Variants in KMT2A observed in about 807,000 individuals in gnomAD.
The protein encoded by KMT2A is histone-lysine N-methyltransferase 2A.
A neutral mutation model predicts 345.3 loss-of-function variants in KMT2A; 16 were observed. That is an observed-to-expected ratio of 0.05 (90% CI 0.03 to 0.07). The LOEUF (loss-of-function observed/expected upper bound fraction) is 0.07, where lower values mean the gene tolerates loss of function less well. KMT2A is among the 10% of genes least tolerant of loss of function. KMT2A has a pLI of 1.00. For synonymous variants in KMT2A, 1,599 were observed against 1,778.6 expected, an observed-to-expected ratio of 0.90 and a Z score of 2.54; for missense variants, 3,272 against 4,841.6, an observed-to-expected ratio of 0.68 and a Z score of 9.62.
chr11:118,474,617 T>A (rs1950000225), intron 3 of KMT2A, among the ~76,000 whole-genome samples: 1 of 152,200 alleles, frequency 6.6e-6, no homozygotes, highest in African/African-American at 2.4e-5. Context: ...TAAGGCTGAA[T>A]GAACTAAGGT....
At chr11:118,457,295 T>C (rs1306087494) in intron 1 of KMT2A, among the ~76,000 whole-genome samples, 2 of 129,790 alleles carry the variant, frequency 1.5e-5, no homozygotes, top group Non-Finnish European at 3.1e-5. Flanking sequence ...TGAGACAGAG[T>C]CTTGCTCTGT....
chr11:118,475,551 G>A (rs1555037331), intron 3 of KMT2A, among the ~76,000 whole-genome samples: 1 of 152,096 alleles, frequency 6.6e-6, no homozygotes, highest in African/African-American at 2.4e-5. Context: ...GTGAAACCCT[G>A]TCTCTACTAA....
At chr11:118,470,281 C>A (rs2134253309) in intron 2 of KMT2A, among the ~76,000 whole-genome samples, 1 of 152,234 alleles carries the variant, frequency 6.6e-6, no homozygotes, top group East Asian at 1.9e-4. Flanking sequence ...TATTTCCGGG[C>A]AGGAGTTGTT....
intron 5 of KMT2A, among the ~76,000 whole-genome samples, chr11:118,479,560 A>G (rs1950095976): frequency 6.6e-6 from 1 of 152,238 alleles, no homozygotes; most frequent in Admixed American, 6.5e-5. Context: ...CTGACCTTAA[A>G]CAAGAATCTT....
intron 1 of KMT2A, among the ~76,000 whole-genome samples, chr11:118,455,020 T>A (rs1339604187): frequency 1.3e-5 from 2 of 152,050 alleles, no homozygotes; most frequent in Admixed American, 1.3e-4. Context: ...TCAATTCTTA[T>A]TGTCCTAGTG....
Position 118,502,400 on chromosome 11 carries a change from A to G in KMT2A, c.6508A>G (p.Ser2170Gly). ...ATTACTTTTTCTCTCTTGTTTAGGA[A>G]GTCCTACCCCAACCACTCATGAAAT... ...PGCRPLPSAG[S>G]PTPTTHEIVT... Residue 2170 changes from serine to glycine, a missense_variant and splice_region_variant, in exon 27 of 36, where the codon AGT becomes GGT. By Grantham distance (56) the Ser-to-Gly change is moderately conservative. Around this residue, in one of 27 missense-constraint regions of KMT2A, gnomAD observed 14 missense variants for 38.4 expected, o/e 0.36. Coordinates refer to ENST00000534358, the MANE Select transcript of KMT2A (RefSeq NM_001197104.2). The surrounding 1 kb of genome is among the most constrained non-coding windows in gnomAD (Gnocchi z 4.9). 1 of 1,573,282 alleles carries G rather than the reference A, an allele frequency of 6.4e-7. No homozygotes were observed. Among genetic ancestry groups the G allele is most frequent in the Non-Finnish European group, 8.6e-7 (1 of 1,161,328 alleles).
rs1951004264 is a variant in KMT2A, at chr11:118,522,998, G to A, written c.*826G>A. ...GGACACTCCCTGCTGGGCATAGGAT[G>A]TGCCTGCAAAAAGTTCCCTGAGCCT... On this transcript the variant is annotated 3_prime_UTR_variant, in exon 36 of 36. Transcript: ENST00000534358. This position sits in a 1 kb window ranked among gnomAD's most constrained non-coding sequence, Gnocchi z 5.4. 1 of 222,648 alleles carries A rather than the reference G, an allele frequency of 4.5e-6. No homozygotes were observed. Among genetic ancestry groups the A allele is most frequent in the Admixed American group, 5.8e-5 (1 of 17,382 alleles). 13.8% of individuals were successfully genotyped at this position (222,648 alleles called of 1,614,324 possible). A position where few individuals can be genotyped will look rare whatever the true frequency, so the allele number is the denominator to read the frequency against.
Position 118,493,136 on chromosome 11 carries a change from C to A in KMT2A, c.5084C>A (p.Pro1695Gln). The A allele has an allele frequency of 6.2e-7, 1 of 1,614,056 alleles. No homozygotes were observed. Reference protein sequence around the residue: ...SRSSPEGPDPPVLTEVSKQDD... With the variant: ...SRSSPEGPDPQVLTEVSKQDD... ...AGCTCCCCCGAAGGACCTGATCCAC[C>A]AGTTCTTACTGAGGTCAGCAAACAG... is the stretch of plus-strand genomic sequence containing the variant. The change falls in exon 16 of 36, where the codon CCA (proline) becomes CAA (glutamine). Residue 1695 changes from proline (P) to glutamine (Q), a missense_variant. Pro to Gln is a moderately conservative substitution (Grantham distance 76). This residue lies in a region of KMT2A where 235 missense variants were observed against 503.4 expected (regional missense o/e 0.47). Transcript: ENST00000534358. This position sits in a 1 kb window ranked among gnomAD's most constrained non-coding sequence, Gnocchi z 5.8.
At chr11:118,449,908 T>C (rs1420064430) in intron 1 of KMT2A, 1 of 152,026 alleles carries the variant, frequency 6.6e-6, no homozygotes, top group Non-Finnish European at 1.5e-5. Context: ...TGAATGAGCA[T>C]GTAGCTCAAA....
Position 118,504,945 on chromosome 11 carries a change from G to A in KMT2A, c.9053G>A (p.Gly3018Asp). The A allele has an allele frequency of 6.2e-7, 1 of 1,614,102 alleles. No homozygotes were observed. Among genetic ancestry groups the A allele is most frequent in the Non-Finnish European group, 8.5e-7 (1 of 1,180,032 alleles). The change falls in exon 27 of 36, where the codon GGT becomes GAT. Residue 3018 changes from glycine to aspartate, a missense_variant. Around this residue, in one of 27 missense-constraint regions of KMT2A, gnomAD observed 748 missense variants for 922.2 expected, o/e 0.81. Transcript: ENST00000534358. The surrounding 1 kb of genome is among the most constrained non-coding windows in gnomAD (Gnocchi z 6.4). The stretch of plus-strand genomic sequence containing the variant: ...CCTCCTTGTGGTTCAGTAGAGCAAG[G>A]TCATGGCAACAATCAGGATTTAACT... ...SSPPCGSVEQGHGNNQDLTRN... is the reference protein window; with the variant it reads ...SSPPCGSVEQDHGNNQDLTRN...
chr11:118,463,911 GAGCCCCTATCAGAGCAACATA>G (rs782468666), intron 1 of KMT2A, among the ~76,000 whole-genome samples: 10 of 152,184 alleles, frequency 6.6e-5, no homozygotes, highest in Non-Finnish European at 1.3e-4. Context: ...AGTTTGAAAA[GAGCCCCTATCAGAGCAACATA>G]AGTTCTGCTA....
At chr11:118,439,143 TAA>T (rs1206074578) in intron 1 of KMT2A, 2 of 387,078 alleles carry the variant, frequency 5.2e-6, no homozygotes, top group African/African-American at 4.9e-5. Flanking sequence ...TTTGCTTTTT[TAA>T]AAGATACAGC....
intron 31 of KMT2A, among the ~76,000 whole-genome samples, chr11:118,516,927 A>G (rs896729028): frequency 6.6e-6 from 1 of 152,186 alleles, no homozygotes; most frequent in Non-Finnish European, 1.5e-5. Flanking sequence ...TCTCATTGTA[A>G]TCTCTCTGGT....
intron 31 of KMT2A, among the ~76,000 whole-genome samples, chr11:118,514,702 C>T (rs376704082): frequency 6.6e-6 from 1 of 152,074 alleles, no homozygotes; most frequent in African/African-American, 2.4e-5. Context: ...GGCGCAATCT[C>T]GGTTCACCGC....
At position 118,503,534 on chromosome 11, in the gene KMT2A, G is replaced by A. The variant is rs1424901855; in HGVS notation, c.7642G>A (p.Ala2548Thr). 1 of 1,614,016 alleles carries A rather than the reference G, an allele frequency of 6.2e-7. No individual in the cohort carries two copies. Among genetic ancestry groups the A allele is most frequent in the South Asian group, 1.1e-5 (1 of 91,092 alleles). Residue 2548 changes from alanine (A) to threonine (T), a missense_variant, in exon 27 of 36, where the codon GCT becomes ACT. Coordinates refer to ENST00000534358, the MANE Select transcript of KMT2A (RefSeq NM_001197104.2). This position sits in a 1 kb window ranked among gnomAD's most constrained non-coding sequence, Gnocchi z 5.3. ...SKNALKESSP[A>T]SPLQIESTSP... is the part of the protein sequence containing the mutation. The stretch of plus-strand genomic sequence containing the variant: ...AAATGCCCTGAAAGAAAGTAGTCCT[G>A]CTTCCCCTTTGCAAATAGAGTCAAC...
In KMT2A at chr11:118,484,837, CT is replaced by C. The variant is rs1950201995; in HGVS notation, c.4219-24del. 6.6e-7 allele frequency: 1 copy of C among 1,517,430 alleles called. No homozygotes were observed. The highest frequency in any genetic ancestry group is 1.7e-5 in the Admixed American group (1 of 59,706). The allele number at this position is 1,517,430 out of a possible 1,614,324, so 94.0% of individuals were successfully genotyped here. A position where few individuals can be genotyped will look rare whatever the true frequency, so the allele number is the denominator to read the frequency against. ...AAAGTTGTGTAATTGTAAAACTTTC[CT>C]AAGTGACCTTTCTCTCTCCACAGGA... On this transcript the variant is annotated intron_variant, in intron 9 of 35. Transcript: ENST00000534358. The surrounding 1 kb of genome is among the most constrained non-coding windows in gnomAD (Gnocchi z 4.1).
Position 118,482,503 on chromosome 11 carries a change from G to A in KMT2A, c.4086+8G>A. On this transcript the variant is annotated splice_region_variant and intron_variant, in intron 8 of 35. Transcript: ENST00000534358. ...CAAAAACCAAAAGAAAAGGTGAGGA[G>A]AGATTTGTTTCTCTGCCATTTCTCA... The A allele has an allele frequency of 1.3e-6, 2 of 1,597,090 alleles. No individual in the cohort carries two copies. Among genetic ancestry groups the A allele is most frequent in the Non-Finnish European group, 1.7e-6 (2 of 1,165,532 alleles).
chr11:118,461,857 A>T (rs960748744), intron 1 of KMT2A, among the ~76,000 whole-genome samples: 6 of 152,194 alleles, frequency 3.9e-5, no homozygotes, highest in Non-Finnish European at 7.3e-5. Flanking sequence ...ACCTCCAGGG[A>T]TCCCATGTGC....
At chr11:118,456,372 A>G (rs1949643319) in intron 1 of KMT2A, among the ~76,000 whole-genome samples, 1 of 151,538 alleles carries the variant, frequency 6.6e-6, no homozygotes, top group Non-Finnish European at 1.5e-5. Context: ...AGAGTCTCAC[A>G]TTGTCACCCG....
Sources: allele counts gnomAD v4.1 joint callset (sites outside exome capture counted in the v4.1 genomes callset), GRCh38; gene constraint gnomAD v4.1.1; regional missense constraint gnomAD v4.1.1; non-coding constraint Gnocchi (gnomAD v3.1); transcripts MANE v1.5; gene names NCBI Gene and HGNC (gene_info 2026-07-23, HGNC 2026-07-21).